The following NBAS variants were observed in gnomAD, a reference collection of about 807,000 sequenced individuals.
NBAS encodes NBAS subunit of NRZ tethering complex.
Under a neutral mutation model 302.5 loss-of-function variants are expected in NBAS, and 219 were observed. The observed-to-expected ratio is 0.72, with a 90% CI of 0.65 to 0.81. The LOEUF (loss-of-function observed/expected upper bound fraction) is 0.81, where lower values mean the gene tolerates loss of function less well. Ranked by LOEUF, NBAS falls within the 30% of genes least tolerant of loss-of-function variation. The pLI, the probability that NBAS is intolerant of heterozygous loss-of-function variation, is 0.00. For synonymous variants in NBAS, 1,118 were observed against 1,021.6 expected (o/e 1.09, Z -1.80); for missense variants, 2,932 against 2,841.6 (o/e 1.03, Z -0.72).
intron 38 of NBAS, among the ~76,000 whole-genome samples, chr2:15,311,387 AC>A (rs1161177850): frequency 1.3e-5 from 2 of 152,204 alleles, no homozygotes; most frequent in African/African-American, 4.8e-5. Context: ...CACAGAAAGT[AC>A]CCAGTAGGTT....
At chr2:15,058,110 A>G in the NBAS span, among the ~76,000 whole-genome samples, 1 of 152,228 alleles carries the variant, frequency 6.6e-6, no homozygotes, top group Non-Finnish European at 1.5e-5. Context: ...CCCAAAGGAA[A>G]AGAAGTTATT....
chr2:15,268,640 C>T (rs2148035409), intron 44 of NBAS, among the ~76,000 whole-genome samples: 1 of 152,304 alleles, frequency 6.6e-6, no homozygotes, highest in Admixed American at 6.5e-5. Context: ...GACCTTCTGA[C>T]AAAGCATGTA....
At chr2:14,807,943 A>G in the NBAS span, among the ~76,000 whole-genome samples, 1 of 152,166 alleles carries the variant, frequency 6.6e-6, no homozygotes, top group Non-Finnish European at 1.5e-5. Context: ...ACACACATGC[A>G]CATATATACA....
the NBAS span, among the ~76,000 whole-genome samples, chr2:15,049,358 G>A: frequency 3.9e-5 from 6 of 152,186 alleles, no homozygotes; most frequent in Non-Finnish European, 8.8e-5. Flanking sequence ...CCTCTCATTT[G>A]TCATTGTCCT....
At chr2:15,098,760 G>A in the NBAS span, among the ~76,000 whole-genome samples, 1 of 139,924 alleles carries the variant, frequency 7.1e-6, no homozygotes, top group African/African-American at 2.7e-5. Flanking sequence ...TGACCTACAG[G>A]GCAAATCTAG....
At chr2:15,527,870 T>A (rs530136365) in intron 9 of NBAS, among the ~76,000 whole-genome samples, 1 of 152,308 alleles carries the variant, frequency 6.6e-6, no homozygotes, top group East Asian at 1.9e-4. Context: ...AACCAGTACC[T>A]GATCATCTAA....
the NBAS span, among the ~76,000 whole-genome samples, chr2:14,944,242 G>A: frequency 6.6e-6 from 1 of 152,206 alleles, no homozygotes; most frequent in Non-Finnish European, 1.5e-5. Flanking sequence ...GGAGCTTGCA[G>A]TGAGCCGAGA....
chr2:15,365,181 A>G (rs1451074126), intron 32 of NBAS, among the ~76,000 whole-genome samples: 1 of 152,180 alleles, frequency 6.6e-6, no homozygotes, highest in Non-Finnish European at 1.5e-5. Context: ...GCAGAAAAAT[A>G]TTACTTTCTC....
intron 21 of NBAS, among the ~76,000 whole-genome samples, chr2:15,431,107 G>A (rs6758496): frequency 0.042 from 6,394 of 151,974 alleles, 427 homozygotes; most frequent in African/African-American, 0.14. Context: ...GTGCCCAGCC[G>A]GTAGAGGGCA....
chr2:14,940,538 G>T, the NBAS span, among the ~76,000 whole-genome samples: 1 of 152,116 alleles, frequency 6.6e-6, no homozygotes, highest in East Asian at 1.9e-4. Flanking sequence ...TCCAGCAATT[G>T]TCCCTGGTTC....
At chr2:15,356,281 G>A in intron 33 of NBAS, 22 bp downstream of exon 33, 2 of 1,575,528 alleles carry the variant, frequency 1.3e-6, no homozygotes, top group African/African-American at 2.7e-5. Context: ...TAAGCAAAGT[G>A]TTAAATAAGC....
At chr2:15,293,923 T>A (rs1206272116) in intron 40 of NBAS, among the ~76,000 whole-genome samples, 2 of 152,138 alleles carry the variant, frequency 1.3e-5, no homozygotes, top group African/African-American at 2.4e-5. Flanking sequence ...TTTTTTTCCC[T>A]ACCTCTATGC....
At chr2:14,990,184 G>C in the NBAS span, among the ~76,000 whole-genome samples, 2 of 151,396 alleles carry the variant, frequency 1.3e-5, no homozygotes, top group Non-Finnish European at 2.9e-5. Flanking sequence ...AGGCCGAGGA[G>C]GGTGGAACAC....
chr2:15,095,444 T>C, the NBAS span, among the ~76,000 whole-genome samples: 49 of 152,314 alleles, frequency 3.2e-4, no homozygotes, highest in African/African-American at 1.2e-3. Flanking sequence ...CTCGTGAGAC[T>C]TATTCACTAC....
chr2:15,130,008 T>C, the NBAS span, among the ~76,000 whole-genome samples: 1 of 152,140 alleles, frequency 6.6e-6, no homozygotes, highest in African/African-American at 2.4e-5. Context: ...AACCATCTGG[T>C]TTCAGATCAT....
rs572306963 is a variant in NBAS, at chr2:15,297,731, A to G, written c.4798-4965T>C. 1.8e-4 allele frequency among the ~76,000 whole-genome samples: 28 copies of G among 152,350 alleles called. No individual in the cohort carries two copies. The South Asian group carries it at 5.8e-3, about 32-fold the overall frequency. On this transcript the variant is annotated intron_variant, in intron 40 of 51. Coordinates refer to ENST00000281513, the MANE Select transcript of NBAS (RefSeq NM_015909.4). ...TATAGCAGTGTGCGAGTGAACTAAT[A>G]CACTTGCCATTAGAGTCCTTTTACA...
At chr2:14,892,374 G>A in the NBAS span, among the ~76,000 whole-genome samples, 1 of 152,048 alleles carries the variant, frequency 6.6e-6, no homozygotes, top group Non-Finnish European at 1.5e-5. Context: ...AACCAAATTG[G>A]GTCCCCACAC....
chr2:15,292,824 G>T (rs1670372594), intron 40 of NBAS, 58 bp from the exon 41 acceptor site: 1 of 1,501,644 alleles, frequency 6.7e-7, no homozygotes, highest in Admixed American at 1.7e-5. Flanking sequence ...ACGAGCAAGT[G>T]AGTAACAAAT....
At chr2:15,050,021 T>G in the NBAS span, among the ~76,000 whole-genome samples, 1 of 152,196 alleles carries the variant, frequency 6.6e-6, no homozygotes, top group Non-Finnish European at 1.5e-5. Flanking sequence ...TTAGCACAAC[T>G]GTAATTTGAA....
Sources: gnomAD v4.1 joint callset for allele counts (sites outside exome capture counted in the v4.1 genomes callset) on GRCh38, gnomAD v4.1.1 for gene constraint, MANE v1.5 for transcripts, NCBI Gene and HGNC (gene_info 2026-07-23, HGNC 2026-07-21) for gene names.